Variants in UNC45A observed in about 807,000 individuals in gnomAD.
UNC45A encodes protein unc-45 homolog A.
Under a neutral mutation model 103.2 loss-of-function variants are expected in UNC45A, and 78 were observed. That is an observed-to-expected ratio of 0.76 (90% confidence interval 0.63 to 0.91). The LOEUF (loss-of-function observed/expected upper bound fraction) is 0.91, where lower values mean the gene tolerates loss of function less well. UNC45A is among the 40% of genes least tolerant of loss of function. The probability of loss-of-function intolerance (pLI) is 0.00; values close to 1 mark genes in which losing one functional copy is unlikely to be tolerated. For synonymous variants in UNC45A, 495 were observed against 504.6 expected (o/e 0.98, Z 0.25); for missense variants, 1,193 against 1,224.8 (o/e 0.97, Z 0.39).
At position 90,953,188 on chromosome 15, in the gene UNC45A, C is replaced by T. The variant is rs750602738; in HGVS notation, c.2455C>T (p.Arg819Ter). The change falls in exon 19 of 20, where the codon CGA becomes TGA. Residue 819 changes from arginine (R) to a stop codon, truncating the protein, a stop_gained. Coordinates refer to ENST00000418476, the MANE Select transcript of UNC45A (RefSeq NM_018671.5). LOFTEE classifies it high-confidence loss of function. Reference sequence around the variant, plus strand: ...CCTCTTCGAAGCCCAGGGCAATGACCGACTGAAGCTGCTGGTGCTGTACAG... The same window carrying T: ...CCTCTTCGAAGCCCAGGGCAATGACTGACTGAAGCTGCTGGTGCTGTACAG... ...QDLFEAQGND[R>*]LKLLVLYSGE... The T allele has an allele frequency of 1.5e-5, 24 of 1,613,700 alleles. No homozygotes were observed. Among genetic ancestry groups the T allele is most frequent in the African/African-American group, 8.0e-5 (6 of 74,908 alleles).
At chr15:90,933,848 T>A (rs577120455), upstream of UNC45A, 6 of 392,134 alleles carry the variant, frequency 1.5e-5, no homozygotes, top group South Asian at 2.9e-4. Context: ...CCCCACGTTT[T>A]CCAACAGGAG....
chr15:90,940,596 C>T (rs1567151601), intron 6 of UNC45A, 123 bp downstream of exon 6: 14 of 1,254,608 alleles, frequency 1.1e-5, no homozygotes, highest in Non-Finnish European at 1.4e-5. Flanking sequence ...CACTCTTCCA[C>T]CCTCTACCCC....
In UNC45A at chr15:90,948,813, G is replaced by A. The variant is rs201559948; in HGVS notation, c.1878+19G>A. On this transcript the variant is annotated intron_variant, in intron 13 of 19. Transcript: ENST00000418476. ...CCCCAAGGTGAGGGGCCGCCAGAGG[G>A]GCTAGAGGGTTCCCCACCATGGGGA... 34 of 1,580,852 alleles carry A rather than the reference G, an allele frequency of 2.2e-5. No homozygotes were observed. In the African/African-American group the frequency reaches 3.4e-4, roughly 16 times the overall value.
chr15:90,942,412 C>T lies in UNC45A; in HGVS notation c.688-25C>T, dbSNP rs147442092. ...CTGCCCTTCAACAACTGGAAGCTTC[C>T]TTCTGTTTACCTCTCCCACCCCAGA... On this transcript the variant is annotated intron_variant, in intron 6 of 19. Transcript: ENST00000418476. 227 of 1,581,272 alleles carry T rather than the reference C, an allele frequency of 1.4e-4. 1 individual carries two copies. In the African/African-American group the frequency reaches 2.8e-3, roughly 20 times the overall value.
chr15:90,946,755 C>G lies in UNC45A; in HGVS notation c.1341C>G (p.Ala447=). Reference sequence around the variant, plus strand: ...TGGAGAGTGTGATTGCTCTGTGTGCCTCTGAGCAGGAGGAGGAGCAGCTGG... The same window carrying G: ...TGGAGAGTGTGATTGCTCTGTGTGCGTCTGAGCAGGAGGAGGAGCAGCTGG... The part of the protein sequence containing the change: ...GVMESVIALC[A]SEQEEEQLVA... Residue 447 remains alanine (A), a synonymous_variant, in exon 10 of 20, where the codon GCC becomes GCG. Transcript: ENST00000418476. 1 of 1,614,094 alleles carries G rather than the reference C, an allele frequency of 6.2e-7. No individual in the cohort carries two copies. The highest frequency in any genetic ancestry group is 1.7e-5 in the Admixed American group (1 of 60,024).
intron 8 of UNC45A, among the ~76,000 whole-genome samples, chr15:90,944,448 A>G (rs71409370): frequency 0.077 from 11,744 of 152,050 alleles, 497 homozygotes; most frequent in South Asian, 0.16. Flanking sequence ...GCCTTTCACA[A>G]TGGTCCTATG....
At chr15:90,946,284 A>C (rs1314185512) in intron 9 of UNC45A, among the ~76,000 whole-genome samples, 1 of 151,710 alleles carries the variant, frequency 6.6e-6, no homozygotes, top group Non-Finnish European at 1.5e-5. Context: ...AAGAAAAAAA[A>C]TTAAAGGAGC....
chr15:90,932,895 GAGCGGGA>G, upstream of UNC45A: 1 of 229,862 alleles, frequency 4.4e-6, no homozygotes, highest in Non-Finnish European at 8.4e-6. Flanking sequence ...GGGACTATGG[GAGCGGGA>G]AGAAAGAACA....
chr15:90,953,347 C>T (rs1336020408), intron 19 of UNC45A, 37 bp downstream of exon 19: 7 of 1,593,612 alleles, frequency 4.4e-6, no homozygotes, highest in South Asian at 1.1e-5. Flanking sequence ...GAGGGACGGA[C>T]CAGGAACTCC....
At chr15:90,948,504 C>T (rs962104715) in intron 12 of UNC45A, 150 bp from the exon 13 acceptor site, 23 of 1,375,754 alleles carry the variant, frequency 1.7e-5, no homozygotes, top group Non-Finnish European at 2.1e-5. Flanking sequence ...TTGTAAGCTC[C>T]CAAAGTCTGG....
upstream of UNC45A, chr15:90,932,511 C>A: frequency 7.7e-7 from 1 of 1,301,204 alleles, no homozygotes; most frequent in South Asian, 2.4e-5. Context: ...AGTCGGCAGC[C>A]TCCAGCAGCT....
chr15:90,953,203 G>C lies in UNC45A; in HGVS notation c.2470G>C (p.Val824Leu). The C allele has an allele frequency of 6.2e-7, 1 of 1,613,946 alleles. No individual in the cohort carries two copies. The highest frequency in any genetic ancestry group is 8.5e-7 in the Non-Finnish European group (1 of 1,180,034). ...AQGNDRLKLLVLYSGEDDELL... is the reference protein window; with the variant it reads ...AQGNDRLKLLLLYSGEDDELL... ...GGGCAATGACCGACTGAAGCTGCTG[G>C]TGCTGTACAGTGGAGAGGATGATGA... The change falls in exon 19 of 20, where the codon GTG becomes CTG. Residue 824 changes from valine (V) to leucine (L), a missense_variant. Physicochemically the swap from Val to Leu is conservative, Grantham distance 32. Coordinates refer to ENST00000418476, the MANE Select transcript of UNC45A (RefSeq NM_018671.5).
Position 90,946,668 on chromosome 15 carries a change from G to A in UNC45A, c.1254G>A (p.Val418=). Residue 418 remains valine, a synonymous_variant, in exon 10 of 20, where the codon GTG becomes GTA. Transcript: ENST00000418476. ...LAGKLRAIQT[V]SCLLQGPCDA... ...GGAAGCTACGGGCCATCCAGACGGT[G>A]TCCTGCCTCCTGCAGGGCCCATGTG... 2 of 1,612,236 alleles carry A rather than the reference G, an allele frequency of 1.2e-6. No individual in the cohort carries two copies. The highest frequency in any genetic ancestry group is 1.7e-6 in the Non-Finnish European group (2 of 1,179,944).
At chr15:90,932,387 A>G (rs894445784), upstream of UNC45A, 5 of 1,216,002 alleles carry the variant, frequency 4.1e-6, no homozygotes, top group Non-Finnish European at 5.3e-6. Flanking sequence ...AGTCCCCACC[A>G]CCCAGGTGCC....
At chr15:90,947,108 G>A (rs1357461429) in intron 10 of UNC45A, 194 bp downstream of exon 10, 5 of 633,560 alleles carry the variant, frequency 7.9e-6, no homozygotes, top group Non-Finnish European at 1.3e-5. Flanking sequence ...AGGATCACTT[G>A]AGCTCAGGAG....
chr15:90,949,751 G>A, intron 15 of UNC45A, 31 bp downstream of exon 15: 1 of 1,610,986 alleles, frequency 6.2e-7, no homozygotes, highest in Non-Finnish European at 8.5e-7. Flanking sequence ...CTTCCTGATG[G>A]CTGAGCCATC....
chr15:90,950,093 C>T, intron 15 of UNC45A, 61 bp from the exon 16 acceptor site: 2 of 1,496,236 alleles, frequency 1.3e-6, no homozygotes, highest in South Asian at 2.4e-5. Flanking sequence ...GGCTGGGGAG[C>T]CCGATGGTCG....
At chr15:90,932,124 G>T (rs1270622648), upstream of UNC45A, 2 of 1,579,850 alleles carry the variant, frequency 1.3e-6, no homozygotes, top group Admixed American at 3.5e-5. Context: ...ACGGGGAGGG[G>T]CAAAGCAGGA....
Position 90,953,490 on chromosome 15 carries a change from T to A in UNC45A, c.2609T>A (p.Leu870Gln). The change falls in exon 20 of 20, where the codon CTG (leucine) becomes CAG (glutamine). Residue 870 changes from leucine to glutamine, a missense_variant. By Grantham distance (113) the Leu-to-Gln change is moderately radical. Transcript: ENST00000418476. ...TTHWLEILQA[L>Q]LLSSNQELQH... ...CACTGGCTGGAGATCCTGCAGGCCC[T>A]GCTTCTGAGCTCCAACCAGGAGCTG... 6.2e-7 allele frequency: 1 copy of A among 1,614,014 alleles called. No homozygotes were observed. The highest frequency in any genetic ancestry group is 1.3e-5 in the African/African-American group (1 of 75,054).
Sources: gnomAD v4.1 joint callset for allele counts (sites outside exome capture counted in the v4.1 genomes callset) on GRCh38, gnomAD v4.1.1 for gene constraint, MANE v1.5 for transcripts, NCBI Gene and HGNC (gene_info 2026-07-23, HGNC 2026-07-21) for gene names.